Variants in EDIL3 observed in about 807,000 individuals in gnomAD.
EDIL3 encodes the protein EGF-like repeat and discoidin I-like domain-containing protein 3.
In EDIL3, 37 loss-of-function variants were observed where a neutral mutation model predicts 67.4. The ratio of observed to expected loss-of-function variants is 0.55; its 90% CI spans 0.42 to 0.72. EDIL3 has a LOEUF of 0.72. EDIL3 is among the 30% of genes least tolerant of loss of function. The pLI is 0.00. For missense variants in EDIL3, 527 were observed against 586.3 expected, an observed-to-expected ratio of 0.90 and a Z score of 1.04; for synonymous variants, 195 against 196.3, an observed-to-expected ratio of 0.99 and a Z score of 0.05.
chr5:84,202,078 C>T (rs530984876), intron 3 of EDIL3, among the ~76,000 whole-genome samples: 1 of 152,196 alleles, frequency 6.6e-6, no homozygotes, highest in South Asian at 2.1e-4. Flanking sequence ...CATGGTAGGA[C>T]TGCACTTCTC....
intron 3 of EDIL3, among the ~76,000 whole-genome samples, chr5:84,206,349 G>C (rs1473097644): frequency 7.9e-5 from 12 of 151,850 alleles, no homozygotes; most frequent in Admixed American, 5.9e-4. Context: ...GGTCAATTTT[G>C]GAATAGGTGT....
rs563914227 is a variant in EDIL3, at chr5:84,322,857, T to C, written c.67+61451A>G. On this transcript the variant is annotated intron_variant, in intron 1 of 10. Coordinates refer to ENST00000296591, the MANE Select transcript of EDIL3 (RefSeq NM_005711.5). Reference sequence around the variant, plus strand: ...CACGTACAAGGGATTCTCAATAAGATTGTCAGCAGATTTCTCATCAGAAAC... The same window carrying C: ...CACGTACAAGGGATTCTCAATAAGACTGTCAGCAGATTTCTCATCAGAAAC... Among the ~76,000 whole-genome samples the C allele has an allele frequency of 2.6e-5, 4 of 152,148 alleles. No homozygotes were observed. In the East Asian group the frequency reaches 5.8e-4, roughly 22 times the overall value.
At chr5:84,274,967 C>T (rs1031558067) in intron 1 of EDIL3, among the ~76,000 whole-genome samples, 8 of 152,124 alleles carry the variant, frequency 5.3e-5, no homozygotes, top group Non-Finnish European at 8.8e-5. Flanking sequence ...ATAAGATATA[C>T]TCATAAAATT....
Position 84,194,126 on chromosome 5 carries a change from T to C in EDIL3, c.227-13605A>G, listed in dbSNP as rs187488456. On this transcript the variant is annotated intron_variant, in intron 3 of 10. Transcript: ENST00000296591. ...GAAGTAAAAGTAAAAACATGGAGAA[T>C]GAAATACGTGATATTTGGCCAAAAT... 2.6e-5 allele frequency among the ~76,000 whole-genome samples: 4 copies of C among 152,020 alleles called. 1 individual carries two copies. Among genetic ancestry groups the C allele is most frequent in the Admixed American group, 2.6e-4 (4 of 15,234 alleles).
intron 9 of EDIL3, among the ~76,000 whole-genome samples, chr5:84,024,467 G>C (rs1287766053): frequency 6.6e-6 from 1 of 151,976 alleles, no homozygotes; most frequent in African/African-American, 2.4e-5. Flanking sequence ...TTATATATAG[G>C]GCCCTGCCCC....
chr5:84,027,075 GT>G, intron 9 of EDIL3, among the ~76,000 whole-genome samples: 1 of 152,058 alleles, frequency 6.6e-6, no homozygotes, highest in East Asian at 1.9e-4. Flanking sequence ...AGCCTGGGTG[GT>G]GGGCTGAGAC....
intron 4 of EDIL3, among the ~76,000 whole-genome samples, chr5:84,172,524 G>A (rs1748829290): frequency 1.3e-5 from 2 of 152,162 alleles, no homozygotes; most frequent in African/African-American, 4.8e-5. Flanking sequence ...AGGTTGCAGT[G>A]AGCCAGGATT....
chr5:84,243,144 G>GA (rs1322451739), intron 2 of EDIL3, among the ~76,000 whole-genome samples: 1 of 152,070 alleles, frequency 6.6e-6, no homozygotes, highest in African/African-American at 2.4e-5. Context: ...AAAGGGTGAG[G>GA]AAAAAAGTCT....
chr5:84,110,396 G>C (rs149651927), intron 5 of EDIL3, among the ~76,000 whole-genome samples: 34 of 152,222 alleles, frequency 2.2e-4, no homozygotes, highest in African/African-American at 8.2e-4. Flanking sequence ...TTACAATTCA[G>C]AATGCAAATG....
chr5:84,153,831 C>T (rs1748442639), intron 4 of EDIL3, among the ~76,000 whole-genome samples: 1 of 152,142 alleles, frequency 6.6e-6, no homozygotes, highest in Non-Finnish European at 1.5e-5. Context: ...AGTCATGTTC[C>T]AGTGAACTAC....
At chr5:84,273,250 C>G (rs1206820448) in intron 1 of EDIL3, among the ~76,000 whole-genome samples, 1 of 152,134 alleles carries the variant, frequency 6.6e-6, no homozygotes, top group Admixed American at 6.5e-5. Context: ...TGACCCAATT[C>G]CTATCTTTAG....
chr5:84,207,818 T>C (rs1489497419), intron 3 of EDIL3, among the ~76,000 whole-genome samples: 3 of 151,074 alleles, frequency 2.0e-5, no homozygotes, highest in Non-Finnish European at 4.5e-5. Context: ...ATTTAATAAA[T>C]GGTGCTGGGA....
At chr5:83,965,959 G>A (rs953001994) in intron 9 of EDIL3, among the ~76,000 whole-genome samples, 2 of 152,004 alleles carry the variant, frequency 1.3e-5, no homozygotes, top group African/African-American at 4.8e-5. Flanking sequence ...TGAGGTTGCT[G>A]ACAGAGGGCA....
At chr5:84,081,883 C>G (rs1319921988) in intron 6 of EDIL3, among the ~76,000 whole-genome samples, 2 of 148,220 alleles carry the variant, frequency 1.3e-5, no homozygotes, top group East Asian at 3.9e-4. Flanking sequence ...GGACAAGAAT[C>G]TCACCACAGG....
intron 9 of EDIL3, among the ~76,000 whole-genome samples, chr5:84,053,353 G>C (rs1746377468): frequency 6.6e-6 from 1 of 152,174 alleles, no homozygotes; most frequent in Non-Finnish European, 1.5e-5. Flanking sequence ...ACAAGAGAAA[G>C]CAGGAAAGAT....
At chr5:84,220,535 A>G (rs1317430927) in intron 3 of EDIL3, among the ~76,000 whole-genome samples, 1 of 152,186 alleles carries the variant, frequency 6.6e-6, no homozygotes, top group Non-Finnish European at 1.5e-5. Context: ...AAAAATAACC[A>G]TGAAGGTAGT....
At chr5:84,077,040 T>C (rs538181298) in intron 6 of EDIL3, among the ~76,000 whole-genome samples, 1 of 152,350 alleles carries the variant, frequency 6.6e-6, no homozygotes, top group East Asian at 1.9e-4. Context: ...ATAGAATTAG[T>C]TATCATTACT....
chr5:84,337,292 T>C (rs1354368624), intron 1 of EDIL3, among the ~76,000 whole-genome samples: 1 of 152,176 alleles, frequency 6.6e-6, no homozygotes, highest in Non-Finnish European at 1.5e-5. Context: ...TCTTAAGAAC[T>C]TGCTGTATCT....
Position 83,943,586 on chromosome 5 carries a change from A to G in EDIL3, c.1294-18T>C, listed in dbSNP as rs1214174901. On this transcript the variant is annotated intron_variant, in intron 10 of 10. Transcript: ENST00000296591. Reference sequence around the variant, plus strand: ...TGGAAAACCTAATAAAGAAGAGCAGAAAAATGTCAGTCACACAGCCTTCTT... The same window carrying G: ...TGGAAAACCTAATAAAGAAGAGCAGGAAAATGTCAGTCACACAGCCTTCTT... The G allele has an allele frequency of 1.2e-6, 2 of 1,610,424 alleles. No homozygotes were observed. The highest frequency in any genetic ancestry group is 1.7e-4 in the Middle Eastern group (1 of 6,018).
Sources: allele counts gnomAD v4.1 joint callset (sites outside exome capture counted in the v4.1 genomes callset), GRCh38; gene constraint gnomAD v4.1.1; transcripts MANE v1.5; gene names NCBI Gene and HGNC (gene_info 2026-07-23, HGNC 2026-07-21).